The following DTNB variants were observed in gnomAD, a reference collection of about 807,000 sequenced individuals.
DTNB encodes the protein dystrobrevin beta.
Under a neutral mutation model 90.7 loss-of-function variants are expected in DTNB, and 63 were observed. That is an observed-to-expected ratio of 0.69 (90% CI 0.57 to 0.86). The LOEUF is 0.86. Ranked by LOEUF, DTNB falls within the 40% of genes least tolerant of loss-of-function variation. The pLI is 0.00. For missense variants in DTNB, 744 were observed against 807.1 expected, an observed-to-expected ratio of 0.92 and a Z score of 0.95; for synonymous variants, 277 against 286.7, an observed-to-expected ratio of 0.97 and a Z score of 0.34.
chr2:25,394,921 T>C (rs1249676442), intron 16 of DTNB, among the ~76,000 whole-genome samples: 1 of 152,172 alleles, frequency 6.6e-6, no homozygotes, highest in Non-Finnish European at 1.5e-5. Context: ...ACAAAAAAGA[T>C]ACTTGCATAC....
intron 4 of DTNB, among the ~76,000 whole-genome samples, chr2:25,620,804 A>C (rs1350647860): frequency 6.6e-6 from 1 of 152,134 alleles, no homozygotes; most frequent in Non-Finnish European, 1.5e-5. Context: ...CTGTCTCTAC[A>C]AAAAATAAAA....
chr2:25,478,378 G>A, intron 10 of DTNB, among the ~76,000 whole-genome samples: 1 of 152,124 alleles, frequency 6.6e-6, no homozygotes, highest in East Asian at 1.9e-4. Flanking sequence ...GCTGCCTTAT[G>A]TGAAGAAGGA....
intron 12 of DTNB, among the ~76,000 whole-genome samples, chr2:25,441,453 G>A (rs2057367922): frequency 6.6e-6 from 1 of 152,098 alleles, no homozygotes; most frequent in Non-Finnish European, 1.5e-5. Flanking sequence ...TGTACCAGTG[G>A]CTTCTTGGTT....
At chr2:25,420,467 A>AATCAATCAATCT (rs771676964) in intron 15 of DTNB, among the ~76,000 whole-genome samples, 1 of 145,528 alleles carries the variant, frequency 6.9e-6, no homozygotes, top group African/African-American at 2.6e-5. Context: ...CATCTAAATC[A>AATCAATCAATCT]ATCTATCTAT....
chr2:25,545,252 A>C (rs1190747154), intron 8 of DTNB, among the ~76,000 whole-genome samples: 2 of 152,204 alleles, frequency 1.3e-5, no homozygotes, highest in East Asian at 3.8e-4. Context: ...CAATGCCACT[A>C]TTCCCAATTT....
chr2:25,603,745 A>T (rs1340108682), intron 5 of DTNB, among the ~76,000 whole-genome samples: 1 of 152,188 alleles, frequency 6.6e-6, no homozygotes, highest in Non-Finnish European at 1.5e-5. Context: ...AGGTAACAAC[A>T]GAGAGTCCAG....
chr2:25,396,577 T>G (rs1573810532), intron 16 of DTNB, among the ~76,000 whole-genome samples: 1 of 145,644 alleles, frequency 6.9e-6, no homozygotes, highest in African/African-American at 2.5e-5. Context: ...GGGAGGGGGG[T>G]GAGGGATAAA....
At chr2:25,636,308 GACT>G (rs1303143433) in intron 3 of DTNB, among the ~76,000 whole-genome samples, 1 of 151,902 alleles carries the variant, frequency 6.6e-6, no homozygotes, top group Non-Finnish European at 1.5e-5. Flanking sequence ...CTTGAAAACT[GACT>G]ACTACTTATC....
intron 10 of DTNB, among the ~76,000 whole-genome samples, chr2:25,464,456 T>C (rs929703052): frequency 2.2e-4 from 34 of 152,246 alleles, no homozygotes; most frequent in Non-Finnish European, 3.8e-4. Context: ...TTAAACAGTA[T>C]TGGGTTATAA....
chr2:25,408,538 C>CAAAAAAAAAAAAAA (rs11395783), intron 16 of DTNB, among the ~76,000 whole-genome samples: 2 of 32,728 alleles, frequency 6.1e-5, no homozygotes, highest in African/African-American at 1.9e-4. Flanking sequence ...GACTCCATCT[C>CAAAAAAAAAAAAAA]AAAAAAAAAA....
intron 4 of DTNB, among the ~76,000 whole-genome samples, chr2:25,624,707 A>G (rs1288124269): frequency 6.6e-6 from 1 of 152,220 alleles, no homozygotes; most frequent in East Asian, 1.9e-4. Flanking sequence ...TGGCTCAGCT[A>G]TAGAAGAGTA....
intron 6 of DTNB, among the ~76,000 whole-genome samples, chr2:25,591,558 T>C (rs930002151): frequency 1.3e-5 from 2 of 152,220 alleles, no homozygotes; most frequent in Non-Finnish European, 2.9e-5. Context: ...ACTACTTATT[T>C]TAAACAACTT....
chr2:25,474,773 C>T (rs1437939898), intron 10 of DTNB, among the ~76,000 whole-genome samples: 1 of 152,192 alleles, frequency 6.6e-6, no homozygotes, highest in Non-Finnish European at 1.5e-5. Context: ...TTTCCAACAG[C>T]ATGTGCTCAC....
At chr2:25,441,254 G>C (rs965066309) in intron 12 of DTNB, among the ~76,000 whole-genome samples, 2 of 152,128 alleles carry the variant, frequency 1.3e-5, no homozygotes, top group Non-Finnish European at 2.9e-5. Flanking sequence ...ATTTCTCAAG[G>C]AGCTCAGAAC....
At chr2:25,473,309 C>A (rs1483296684) in intron 10 of DTNB, among the ~76,000 whole-genome samples, 1 of 152,194 alleles carries the variant, frequency 6.6e-6, no homozygotes, top group Non-Finnish European at 1.5e-5. Context: ...TGGATCAGCA[C>A]GGGAATTTCA....
At chr2:25,427,938 T>C (rs748404190) in intron 14 of DTNB, 1 of 198,168 alleles carries the variant, frequency 5.0e-6, no homozygotes, top group Non-Finnish European at 1.0e-5. Flanking sequence ...GAAAAATATA[T>C]AAAATTAGCC....
intron 6 of DTNB, among the ~76,000 whole-genome samples, chr2:25,588,045 A>G (rs962076742): frequency 5.3e-5 from 8 of 152,188 alleles, no homozygotes; most frequent in African/African-American, 1.9e-4. Flanking sequence ...TATTCAGGGG[A>G]ACTTGGCAGT....
intron 4 of DTNB, among the ~76,000 whole-genome samples, chr2:25,622,064 G>A (rs530760841): frequency 6.6e-6 from 1 of 151,576 alleles, no homozygotes; most frequent in African/African-American, 2.4e-5. Flanking sequence ...CATTTTTAAG[G>A]TGAAATTTCA....
chr2:25,591,144 C>T (rs1365733829), intron 6 of DTNB, among the ~76,000 whole-genome samples: 3 of 152,098 alleles, frequency 2.0e-5, no homozygotes, highest in Admixed American at 6.5e-5. Flanking sequence ...CGCCAGGCAG[C>T]GGGAGCAGGG....
Sources: gnomAD v4.1 joint callset for allele counts (sites outside exome capture counted in the v4.1 genomes callset) on GRCh38, gnomAD v4.1.1 for gene constraint, MANE v1.5 for transcripts, NCBI Gene and HGNC (gene_info 2026-07-23, HGNC 2026-07-21) for gene names.